The following POLR2J variants were observed in gnomAD, a reference collection of about 807,000 sequenced individuals.
POLR2J encodes the protein DNA-directed RNA polymerase II subunit RPB11-a.
Under a neutral mutation model 13.4 loss-of-function variants are expected in POLR2J, and 12 were observed. The observed-to-expected ratio is 0.90, with a 90% CI of 0.57 to 1.45. The LOEUF is 1.45. POLR2J is among the 40% of genes most tolerant of loss of function. The pLI is 0.00. For missense variants in POLR2J, 58 were observed against 132.0 expected, an observed-to-expected ratio of 0.44 and a Z score of 2.75; for synonymous variants, 31 against 53.6, an observed-to-expected ratio of 0.58 and a Z score of 1.84.
chr7:102,473,211 C>CTGCTT lies in POLR2J; in HGVS notation c.*433_*437dup. On this transcript the variant is annotated 3_prime_UTR_variant, in exon 4 of 4. Transcript: ENST00000292614. The stretch of plus-strand genomic sequence containing the variant: ...TCGAGTTATGCAGGAAGAAGTGTTC[C>CTGCTT]TGCTTTGACTGACAGGCAGGCCCAG... 4.7e-6 allele frequency: 4 copies of CTGCTT among 844,966 alleles called. No individual in the cohort carries two copies. The highest frequency in any genetic ancestry group is 7.1e-6 in the Non-Finnish European group (4 of 562,894). The allele number at this position is 844,966 out of a possible 1,614,324, so 52.3% of individuals were successfully genotyped here.
chr7:102,473,695 A>G lies in POLR2J; in HGVS notation c.319-11T>C. On this transcript the variant is annotated splice_polypyrimidine_tract_variant and intron_variant, in intron 3 of 3. Transcript: ENST00000292614. Reference sequence around the variant, plus strand: ...GTCTTTTATGGCCACCTGGGAGAGAAGAAGGTGGTGGAGACTGAGCTGGAA... The same window carrying G: ...GTCTTTTATGGCCACCTGGGAGAGAGGAAGGTGGTGGAGACTGAGCTGGAA... The G allele has an allele frequency of 6.2e-7, 1 of 1,613,798 alleles. No individual in the cohort carries two copies. Among genetic ancestry groups the G allele is most frequent in the East Asian group, 2.2e-5 (1 of 44,846 alleles).
At position 102,473,130 on chromosome 7, in the gene POLR2J, T is replaced by C; in HGVS notation, c.*519A>G. 9 of 1,412,144 alleles carry C rather than the reference T, an allele frequency of 6.4e-6. No individual in the cohort carries two copies. The highest frequency in any genetic ancestry group is 8.7e-6 in the Non-Finnish European group (9 of 1,040,146). The allele number at this position is 1,412,144 out of a possible 1,614,324, so 87.5% of individuals were successfully genotyped here. A position where few individuals can be genotyped will look rare whatever the true frequency, so the allele number is the denominator to read the frequency against. ...GCCGATGGGGGTGGGGGGGGGTCTT[T>C]CAGTGAATATTTTTATTAAACTCTA... On this transcript the variant is annotated 3_prime_UTR_variant, in exon 4 of 4. Coordinates refer to ENST00000292614, the MANE Select transcript of POLR2J (RefSeq NM_006234.6).
At chr7:102,475,260 T>C (rs1189022767) in intron 2 of POLR2J, among the ~76,000 whole-genome samples, 2 of 152,220 alleles carry the variant, frequency 1.3e-5, no homozygotes, top group African/African-American at 2.4e-5. Flanking sequence ...AAGCCTGGCT[T>C]CGCTGGTGGC....
rs1798297890 is a variant in POLR2J at position 102,473,468 on chromosome 7, A to G, written c.*181T>C. The G allele has an allele frequency of 4.6e-6, 4 of 861,888 alleles. No homozygotes were observed. The highest frequency in any genetic ancestry group is 2.0e-5 in the South Asian group (1 of 49,974). The allele number at this position is 861,888 out of a possible 1,614,324, so 53.4% of individuals were successfully genotyped here. A position where few individuals can be genotyped will look rare whatever the true frequency, so the allele number is the denominator to read the frequency against. On this transcript the variant is annotated 3_prime_UTR_variant, in exon 4 of 4. Transcript: ENST00000292614. ...AGTCCACATCCAGGTCTCTCCCGCTATACTTTATTAGGAATATAAAACCTA... is the reference window on the plus strand; with the variant it reads ...AGTCCACATCCAGGTCTCTCCCGCTGTACTTTATTAGGAATATAAAACCTA...
Position 102,473,198 on chromosome 7 carries a change from GGAA to G in POLR2J, c.*448_*450del, listed in dbSNP as rs773531219. 14 of 943,516 alleles carry G rather than the reference GGAA, an allele frequency of 1.5e-5. No individual in the cohort carries two copies. In the African/African-American group the frequency reaches 2.0e-4, roughly 13 times the overall value. 58.4% of individuals were successfully genotyped at this position (943,516 alleles called of 1,614,324 possible). A position where few individuals can be genotyped will look rare whatever the true frequency, so the allele number is the denominator to read the frequency against. ...GTGGAAAGGTGTTTCGAGTTATGCA[GGAA>G]GAAGTGTTCCTGCTTTGACTGACAG... On this transcript the variant is annotated 3_prime_UTR_variant, in exon 4 of 4. Transcript: ENST00000292614.
At position 102,473,232 on chromosome 7, in the gene POLR2J, CCCA is replaced by C; in HGVS notation, c.*414_*416del. On this transcript the variant is annotated 3_prime_UTR_variant, in exon 4 of 4. Coordinates refer to ENST00000292614, the MANE Select transcript of POLR2J (RefSeq NM_006234.6). ...GTTCCTGCTTTGACTGACAGGCAGGCCCAGGAGTTGAGGCTTCTAGAGCAGAGA... is the reference window on the plus strand; with the variant it reads ...GTTCCTGCTTTGACTGACAGGCAGGCGGAGTTGAGGCTTCTAGAGCAGAGA... 1.3e-6 allele frequency: 1 copy of C among 743,156 alleles called. No homozygotes were observed. The highest frequency in any genetic ancestry group is 2.1e-6 in the Non-Finnish European group (1 of 472,588). 46.0% of individuals were successfully genotyped at this position (743,156 alleles called of 1,614,324 possible).
chr7:102,473,246 C>G lies in POLR2J; in HGVS notation c.*403G>C. The stretch of plus-strand genomic sequence containing the variant: ...TGACAGGCAGGCCCAGGAGTTGAGG[C>G]TTCTAGAGCAGAGACTCTTGGGAGC... On this transcript the variant is annotated 3_prime_UTR_variant, in exon 4 of 4. Transcript: ENST00000292614. The G allele has an allele frequency of 1.5e-6, 1 of 680,820 alleles. No individual in the cohort carries two copies. The highest frequency in any genetic ancestry group is 2.4e-6 in the Non-Finnish European group (1 of 417,340). 42.2% of individuals were successfully genotyped at this position (680,820 alleles called of 1,614,324 possible). A position where few individuals can be genotyped will look rare whatever the true frequency, so the allele number is the denominator to read the frequency against.
intron 3 of POLR2J, chr7:102,473,946 T>A: frequency 7.0e-7 from 1 of 1,433,808 alleles, no homozygotes. Context: ...AAGCTGTGGC[T>A]CTTTCCCCTC....
In POLR2J at chr7:102,473,664, C is replaced by T. The variant is rs773610402; in HGVS notation, c.339G>A (p.Gln113=). ...ERFRVAIKDK[Q]EGIE is the part of the protein sequence containing the mutation. Reference sequence around the variant, plus strand: ...CCTCTGGCCCCTACTCAATTCCTTCCTGCTTGTCTTTTATGGCCACCTGGG... The same window carrying T: ...CCTCTGGCCCCTACTCAATTCCTTCTTGCTTGTCTTTTATGGCCACCTGGG... Residue 113 remains glutamine, a synonymous_variant, in exon 4 of 4, where the codon CAG becomes CAA. Coordinates refer to ENST00000292614, the MANE Select transcript of POLR2J (RefSeq NM_006234.6). 7 of 1,613,818 alleles carry T rather than the reference C, an allele frequency of 4.3e-6. No individual in the cohort carries two copies. In the Admixed American group the frequency reaches 5.0e-5, roughly 12 times the overall value.
chr7:102,475,810 T>C (rs1367083294), intron 2 of POLR2J, among the ~76,000 whole-genome samples: 1 of 149,718 alleles, frequency 6.7e-6, no homozygotes, highest in Admixed American at 6.7e-5. Context: ...TAGTCCCAGC[T>C]ACTAGGAAGG....
Position 102,473,438 on chromosome 7 carries a change from G to C in POLR2J, c.*211C>G, listed in dbSNP as rs1346466219. The C allele has an allele frequency of 3.0e-6, 2 of 675,962 alleles. No homozygotes were observed. Among genetic ancestry groups the C allele is most frequent in the African/African-American group, 1.9e-5 (1 of 52,700 alleles). 41.9% of individuals were successfully genotyped at this position (675,962 alleles called of 1,614,324 possible). ...TCCATTTGCTTGCGAAGTCACCGCT[G>C]CTCAAGTCCACATCCAGGTCTCTCC... On this transcript the variant is annotated 3_prime_UTR_variant, in exon 4 of 4. Transcript: ENST00000292614.
chr7:102,475,732 G>C (rs1426307835), intron 2 of POLR2J, among the ~76,000 whole-genome samples: 3 of 152,008 alleles, frequency 2.0e-5, no homozygotes, highest in Admixed American at 6.6e-5. Flanking sequence ...GACCAGCCTG[G>C]CCAACACAGT....
chr7:102,473,783 G>A, intron 3 of POLR2J, 99 bp from the exon 4 acceptor site: 6 of 1,551,698 alleles, frequency 3.9e-6, no homozygotes, highest in Non-Finnish European at 5.2e-6. Flanking sequence ...CCTTCCTGGA[G>A]GGCAGCCATG....
Position 102,473,201 on chromosome 7 carries a change from A to AGAAGT in POLR2J, c.*443_*447dup. On this transcript the variant is annotated 3_prime_UTR_variant, in exon 4 of 4. Transcript: ENST00000292614. ...GAAAGGTGTTTCGAGTTATGCAGGAAGAAGTGTTCCTGCTTTGACTGACAG... is the reference window on the plus strand; with the variant it reads ...GAAAGGTGTTTCGAGTTATGCAGGAAGAAGTGAAGTGTTCCTGCTTTGACTGACAG... The AGAAGT allele has an allele frequency of 1.1e-6, 1 of 925,034 alleles. No homozygotes were observed. The highest frequency in any genetic ancestry group is 2.7e-5 in the East Asian group (1 of 37,632). 57.3% of individuals were successfully genotyped at this position (925,034 alleles called of 1,614,324 possible).
chr7:102,473,318 A>G lies in POLR2J; in HGVS notation c.*331T>C. Reference sequence around the variant, plus strand: ...TCCGGCTCAGCACAGCCCCCGCAGCAGCCCCTGGACCCCGGATCTTTGGTC... The same window carrying G: ...TCCGGCTCAGCACAGCCCCCGCAGCGGCCCCTGGACCCCGGATCTTTGGTC... On this transcript the variant is annotated 3_prime_UTR_variant, in exon 4 of 4. Coordinates refer to ENST00000292614, the MANE Select transcript of POLR2J (RefSeq NM_006234.6). 1 of 569,514 alleles carries G rather than the reference A, an allele frequency of 1.8e-6. No homozygotes were observed. The highest frequency in any genetic ancestry group is 3.3e-5 in the Admixed American group (1 of 30,574). 35.3% of individuals were successfully genotyped at this position (569,514 alleles called of 1,614,324 possible). A position where few individuals can be genotyped will look rare whatever the true frequency, so the allele number is the denominator to read the frequency against.
chr7:102,474,266 G>C (rs1002667948), intron 3 of POLR2J, 95 bp downstream of exon 3: 1 of 1,607,676 alleles, frequency 6.2e-7, no homozygotes, highest in Non-Finnish European at 8.5e-7. Context: ...CTCTCCCCCA[G>C]GACCTCCGAA....
Position 102,473,552 on chromosome 7 carries a change from C to G in POLR2J, c.*97G>C. ...GGGGTGGCCACAAGGCGGGCCATGG[C>G]TGGGACCGGCCGCTCTCCTCGGTGT... On this transcript the variant is annotated 3_prime_UTR_variant, in exon 4 of 4. Transcript: ENST00000292614. 1.6e-6 allele frequency: 2 copies of G among 1,231,758 alleles called. No individual in the cohort carries two copies. The highest frequency in any genetic ancestry group is 2.1e-6 in the Non-Finnish European group (2 of 968,594). The allele number at this position is 1,231,758 out of a possible 1,614,324, so 76.3% of individuals were successfully genotyped here.
chr7:102,474,259 T>G, intron 3 of POLR2J, 102 bp downstream of exon 3: 2 of 1,606,232 alleles, frequency 1.2e-6, no homozygotes, highest in South Asian at 2.2e-5. Context: ...CTGCCGCCTC[T>G]CCCCCAGGAC....
chr7:102,474,240 C>G, intron 3 of POLR2J, 121 bp downstream of exon 3: 2 of 1,593,320 alleles, frequency 1.3e-6, no homozygotes, highest in Admixed American at 1.8e-5. Context: ...AGTCCCTGCT[C>G]TTCCATCACT....
Sources: allele counts gnomAD v4.1 joint callset (sites outside exome capture counted in the v4.1 genomes callset), GRCh38; gene constraint gnomAD v4.1.1; transcripts MANE v1.5; gene names NCBI Gene and HGNC (gene_info 2026-07-23, HGNC 2026-07-21).